The following DLEC1 variants were observed in gnomAD, a reference collection of about 807,000 sequenced individuals.
DLEC1 encodes DLEC1 cilia and flagella associated protein.
A neutral mutation model predicts 198.1 loss-of-function variants in DLEC1; 146 were observed. That is an observed-to-expected ratio of 0.74 (90% CI 0.64 to 0.85). DLEC1 has a LOEUF of 0.85. Ranked by LOEUF, DLEC1 falls within the 40% of genes least tolerant of loss-of-function variation. The pLI, the probability that DLEC1 is intolerant of heterozygous loss-of-function variation, is 0.00. For synonymous variants in DLEC1, 897 were observed against 866.8 expected, an observed-to-expected ratio of 1.03 and a Z score of -0.61; for missense variants, 2,233 against 2,220.0, an observed-to-expected ratio of 1.01 and a Z score of -0.12.
At chr3:38,102,341 T>C (rs1246166220) in intron 19 of DLEC1, among the ~76,000 whole-genome samples, 1 of 152,248 alleles carries the variant, frequency 6.6e-6, no homozygotes, top group Non-Finnish European at 1.5e-5. Flanking sequence ...CTTCCCCTGC[T>C]GGGTGACAGG....
At chr3:38,056,118 A>C (rs1015609962) in intron 2 of DLEC1, among the ~76,000 whole-genome samples, 10 of 128,194 alleles carry the variant, frequency 7.8e-5, no homozygotes, top group African/African-American at 1.8e-4. Flanking sequence ...CACACACACA[A>C]ATAGCTGAGT....
In DLEC1 at chr3:38,039,496, G is replaced by T. The variant is rs1575368088; in HGVS notation, c.271G>T (p.Asp91Tyr). 2.5e-6 allele frequency: 4 copies of T among 1,614,070 alleles called. No individual in the cohort carries two copies. The highest frequency in any genetic ancestry group is 2.5e-6 in the Non-Finnish European group (3 of 1,179,912). ...RLRPSSLRTQ[D>Y]ISHLLTGVFR... ...GCGCCCCTCCTCGCTGCGCACCCAA[G>T]ATATCTCGCACTTGCTCACCGGCGT... Residue 91 changes from aspartate to tyrosine, a missense_variant, in exon 1 of 37, where the codon GAT (aspartate) becomes TAT (tyrosine). Coordinates refer to ENST00000308059, the MANE Select transcript of DLEC1 (RefSeq NM_007335.4).
At position 38,085,269 on chromosome 3, in the gene DLEC1, C is replaced by T; in HGVS notation, c.1262-5C>T. The T allele has an allele frequency of 1.2e-6, 2 of 1,614,092 alleles. No individual in the cohort carries two copies. The highest frequency in any genetic ancestry group is 1.7e-6 in the Non-Finnish European group (2 of 1,179,988). ...ATCCTCACTTGTCACTTTTGTCATG[C>T]ACAGGGATGTTCCCAGGAAAAGGTG... On this transcript the variant is annotated splice_polypyrimidine_tract_variant and splice_region_variant and intron_variant, in intron 7 of 36. Coordinates refer to ENST00000308059, the MANE Select transcript of DLEC1 (RefSeq NM_007335.4).
intron 10 of DLEC1, among the ~76,000 whole-genome samples, chr3:38,090,125 G>GT (rs1292559982): frequency 1.3e-5 from 2 of 152,214 alleles, no homozygotes; most frequent in African/African-American, 4.8e-5. Context: ...GAGGCCAGGA[G>GT]TTTGAGTTTA....
At chr3:38,047,727 A>G (rs1382060211) in intron 2 of DLEC1, among the ~76,000 whole-genome samples, 2 of 152,114 alleles carry the variant, frequency 1.3e-5, no homozygotes, top group Non-Finnish European at 2.9e-5. Flanking sequence ...TGTTTCCCTC[A>G]GGAGGTACAT....
At chr3:38,102,187 C>G (rs1699341075) in intron 19 of DLEC1, among the ~76,000 whole-genome samples, 1 of 152,100 alleles carries the variant, frequency 6.6e-6, no homozygotes, top group African/African-American at 2.4e-5. Context: ...TTGACAAGGG[C>G]CCTTCGCACT....
At chr3:38,052,323 G>C (rs1220465854) in intron 2 of DLEC1, 1 of 382,766 alleles carries the variant, frequency 2.6e-6, no homozygotes, top group Non-Finnish European at 5.3e-6. Context: ...ACGAGTACCT[G>C]CACAGCAAGC....
intron 19 of DLEC1, among the ~76,000 whole-genome samples, chr3:38,102,894 G>A (rs573250399): frequency 2.8e-4 from 42 of 152,260 alleles, no homozygotes; most frequent in African/African-American, 8.9e-4. Context: ...GTTACTGCAG[G>A]CTCTGCCCTG....
chr3:38,083,281 C>T (rs6783731), intron 6 of DLEC1, among the ~76,000 whole-genome samples: 50,999 of 147,106 alleles, frequency 0.35, 9,119 homozygotes, highest in East Asian at 0.54. Flanking sequence ...AGAGAGTCAG[C>T]GAAGGGAGAT....
intron 6 of DLEC1, among the ~76,000 whole-genome samples, chr3:38,065,148 C>G (rs527550187): frequency 1.3e-5 from 2 of 152,248 alleles, no homozygotes; most frequent in South Asian, 4.1e-4. Context: ...ACCAGCCCGG[C>G]CAGCACAGCG....
At chr3:38,094,828 A>G in intron 12 of DLEC1, 51 bp from the exon 13 acceptor site, 2 of 1,592,346 alleles carry the variant, frequency 1.3e-6, no homozygotes, top group South Asian at 2.3e-5. Context: ...GGGTGGAGGG[A>G]CCTGGTCCCA....
intron 35 of DLEC1, 60 bp downstream of exon 35, chr3:38,121,841 C>T: frequency 1.3e-6 from 2 of 1,582,804 alleles, no homozygotes; most frequent in Non-Finnish European, 1.7e-6. Context: ...AAGAGAAGAC[C>T]CCCCAGGAAG....
chr3:38,064,275 T>G (rs1202744669), intron 6 of DLEC1, among the ~76,000 whole-genome samples: 1 of 152,170 alleles, frequency 6.6e-6, no homozygotes, highest in South Asian at 2.1e-4. Flanking sequence ...CGCCCTTAAT[T>G]CATTTAACCC....
chr3:38,116,236 T>C (rs1375613299), intron 27 of DLEC1, among the ~76,000 whole-genome samples: 1 of 152,192 alleles, frequency 6.6e-6, no homozygotes, highest in Non-Finnish European at 1.5e-5. Context: ...CCATGAGGAC[T>C]TCAGGTGATA....
rs1559430025 is a variant in DLEC1 at position 38,084,407 on chromosome 3, GGTGGTAGTAGTA to G, written c.1261+177_1261+188del. Reference sequence around the variant, plus strand: ...TAGTAGTGGTAGTAGTAGTAGTGGTGGTGGTAGTAGTAGTGGTAGTAGTAGTAGTGGTGGTGG... The same window carrying G: ...TAGTAGTGGTAGTAGTAGTAGTGGTGGTGGTAGTAGTAGTAGTGGTGGTGG... On this transcript the variant is annotated intron_variant, in intron 7 of 36. Transcript: ENST00000308059. Among the ~76,000 whole-genome samples the G allele has an allele frequency of 3.9e-3, 16 of 4,108 alleles. 1 individual carries two copies. Among genetic ancestry groups the G allele is most frequent in the East Asian group, 0.022 (10 of 464 alleles). The allele number at this position is 4,108 out of a possible 152,430, so 2.7% of individuals were successfully genotyped here.
At chr3:38,115,111 C>T in intron 27 of DLEC1, 58 bp downstream of exon 27, 1 of 1,591,708 alleles carries the variant, frequency 6.3e-7, no homozygotes. Context: ...TTGTGGTGAG[C>T]CAGGCTGGGA....
chr3:38,073,212 T>C (rs535264624), intron 6 of DLEC1, among the ~76,000 whole-genome samples: 1 of 152,246 alleles, frequency 6.6e-6, no homozygotes, highest in South Asian at 2.1e-4. Flanking sequence ...AGTGTATGGG[T>C]TGGGCACCAC....
At chr3:38,121,807 A>C in intron 35 of DLEC1, 26 bp downstream of exon 35, 2 of 1,611,504 alleles carry the variant, frequency 1.2e-6, no homozygotes, top group Non-Finnish European at 1.7e-6. Flanking sequence ...CCACCTACCC[A>C]CCGTTCCCCT....
At chr3:38,075,939 G>A (rs937686783) in intron 6 of DLEC1, among the ~76,000 whole-genome samples, 4 of 152,156 alleles carry the variant, frequency 2.6e-5, no homozygotes, top group African/African-American at 9.7e-5. Context: ...AAAGACCAAG[G>A]CAGGTGTCCT....
Sources: gnomAD v4.1 joint callset for allele counts (sites outside exome capture counted in the v4.1 genomes callset) on GRCh38, gnomAD v4.1.1 for gene constraint, MANE v1.5 for transcripts, NCBI Gene and HGNC (gene_info 2026-07-23, HGNC 2026-07-21) for gene names.